The following SEMA3A variants were observed in gnomAD, a reference collection of about 807,000 sequenced individuals.
The protein encoded by SEMA3A is semaphorin-3A.
A neutral mutation model predicts 97.9 loss-of-function variants in SEMA3A; 29 were observed. That is an observed-to-expected ratio of 0.30 (90% confidence interval 0.22 to 0.40). SEMA3A has a LOEUF of 0.40. Ranked by LOEUF, SEMA3A falls within the 10% of genes least tolerant of loss-of-function variation. The pLI is 1.00. For missense variants in SEMA3A, 763 were observed against 951.3 expected (o/e 0.80, Z 2.60); for synonymous variants, 321 against 323.7 (o/e 0.99, Z 0.09).
In SEMA3A at chr7:84,165,383, G is replaced by C. The variant is rs577252011; in HGVS notation, c.112+29092C>G. Among the ~76,000 whole-genome samples the C allele has an allele frequency of 3.3e-5, 5 of 152,088 alleles. No homozygotes were observed. The East Asian group carries it at 9.7e-4, about 29-fold the overall frequency. On this transcript the variant is annotated intron_variant, in intron 1 of 16. Coordinates refer to ENST00000265362, the MANE Select transcript of SEMA3A (RefSeq NM_006080.3). ...CTAAATTAAAAATCATTATAACTATGTAATTATATGGGGCATTTAGGTAAC... is the reference window on the plus strand; with the variant it reads ...CTAAATTAAAAATCATTATAACTATCTAATTATATGGGGCATTTAGGTAAC...
At chr7:84,002,447 G>A (rs1158996705) in intron 11 of SEMA3A, among the ~76,000 whole-genome samples, 4 of 152,126 alleles carry the variant, frequency 2.6e-5, no homozygotes, top group Non-Finnish European at 4.4e-5. Flanking sequence ...TAAAAATAAC[G>A]TCAGTTTGTC....
At chr7:84,081,186 G>T (rs1794139878) in intron 4 of SEMA3A, among the ~76,000 whole-genome samples, 1 of 152,040 alleles carries the variant, frequency 6.6e-6, no homozygotes, top group Admixed American at 6.6e-5. Flanking sequence ...TTAGAAGAAT[G>T]ACCCAACCTG....
chr7:83,975,524 A>C (rs1789109653), intron 15 of SEMA3A, among the ~76,000 whole-genome samples: 1 of 152,172 alleles, frequency 6.6e-6, no homozygotes, highest in Admixed American at 6.5e-5. Flanking sequence ...CAAAAGTAAT[A>C]AGACATGTAT....
At chr7:84,340,202 A>C (rs891644787) in intron 2 of SEMA3A, among the ~76,000 whole-genome samples, 1 of 152,146 alleles carries the variant, frequency 6.6e-6, no homozygotes, top group Non-Finnish European at 1.5e-5. Context: ...CAATGCTCTT[A>C]AGAGGAAATT....
At chr7:83,988,266 G>A (rs1198642662) in intron 12 of SEMA3A, among the ~76,000 whole-genome samples, 1 of 151,762 alleles carries the variant, frequency 6.6e-6, no homozygotes, top group Non-Finnish European at 1.5e-5. Context: ...TCGCTCTGTC[G>A]CCGAGGCTGG....
intron 1 of SEMA3A, among the ~76,000 whole-genome samples, chr7:84,160,666 G>A (rs1056844177): frequency 6.6e-6 from 1 of 151,294 alleles, no homozygotes; most frequent in Non-Finnish European, 1.5e-5. Flanking sequence ...ATCACTTGAG[G>A]TAGGAGTCTG....
At chr7:83,985,258 A>C (rs571347426) in intron 13 of SEMA3A, among the ~76,000 whole-genome samples, 178 bp downstream of exon 13, 1 of 152,286 alleles carries the variant, frequency 6.6e-6, no homozygotes, top group Admixed American at 6.5e-5. Context: ...ACATGAGGGC[A>C]ATGAAAACTA....
chr7:84,472,234 TAC>T (rs1451893896), intron 1 of SEMA3A, among the ~76,000 whole-genome samples: 1 of 152,086 alleles, frequency 6.6e-6, no homozygotes, highest in African/African-American at 2.4e-5. Flanking sequence ...AGTCAAGAGA[TAC>T]AATGACAAAC....
chr7:84,353,164 T>C (rs1802475316), intron 2 of SEMA3A, among the ~76,000 whole-genome samples: 1 of 151,816 alleles, frequency 6.6e-6, no homozygotes, highest in Non-Finnish European at 1.5e-5. Flanking sequence ...TCATATTGTT[T>C]AGAAAATAAT....
At chr7:84,090,515 C>G (rs2115844485) in intron 4 of SEMA3A, among the ~76,000 whole-genome samples, 1 of 152,012 alleles carries the variant, frequency 6.6e-6, no homozygotes, top group South Asian at 2.1e-4. Context: ...GCAAAAAAAA[C>G]AAAACACAAG....
intron 3 of SEMA3A, among the ~76,000 whole-genome samples, chr7:84,223,428 C>A (rs1299267166): frequency 1.3e-5 from 2 of 151,758 alleles, no homozygotes; most frequent in East Asian, 3.9e-4. Flanking sequence ...GAGGTTAAGC[C>A]ACTGACAAAG....
chr7:84,160,608 G>A (rs1797000696), intron 1 of SEMA3A, among the ~76,000 whole-genome samples: 2 of 151,760 alleles, frequency 1.3e-5, no homozygotes, highest in South Asian at 4.2e-4. Flanking sequence ...GTCAGGTGCG[G>A]TGGCTCATGC....
intron 2 of SEMA3A, among the ~76,000 whole-genome samples, chr7:84,336,586 A>G (rs528049498): frequency 1.3e-5 from 2 of 152,274 alleles, no homozygotes; most frequent in East Asian, 3.9e-4. Flanking sequence ...TTTTATCTAC[A>G]TACAGTAGGA....
chr7:84,272,517 A>G (rs2115708257), intron 3 of SEMA3A, among the ~76,000 whole-genome samples: 1 of 152,230 alleles, frequency 6.6e-6, no homozygotes, highest in Non-Finnish European at 1.5e-5. Flanking sequence ...TGGCCAAAGG[A>G]ACCTAGTTCT....
chr7:84,038,628 A>G (rs1381455723), intron 6 of SEMA3A, among the ~76,000 whole-genome samples: 1 of 152,032 alleles, frequency 6.6e-6, no homozygotes, highest in Non-Finnish European at 1.5e-5. Context: ...CATCCCAAAG[A>G]TTATAGTTGA....
At chr7:84,054,982 C>T (rs6975438) in intron 5 of SEMA3A, among the ~76,000 whole-genome samples, 83,367 of 151,138 alleles carry the variant, frequency 0.55, 24,890 homozygotes, top group Non-Finnish European at 0.66. Flanking sequence ...GTCAGTCTGC[C>T]CCTGCTGTGG....
rs1804167162 is a variant in SEMA3A at position 84,408,447 on chromosome 7, A to C, written c.-245-36547T>G. ...GGAACACTTTTACACTGTTGGTGGG[A>C]CTGTAAACTAGTTCAACCATTGTGG... On this transcript the variant is annotated intron_variant, in intron 1 of 3. Coordinates refer to the SEMA3A transcript ENST00000424555. Among the ~76,000 whole-genome samples the C allele has an allele frequency of 2.6e-5, 4 of 151,718 alleles. No homozygotes were observed. The South Asian group carries it at 8.3e-4, about 32-fold the overall frequency.
chr7:84,001,570 G>A lies in SEMA3A; in HGVS notation c.1452+385C>T, dbSNP rs559886998. 1.6e-4 allele frequency among the ~76,000 whole-genome samples: 24 copies of A among 151,930 alleles called. 1 individual carries two copies. Among genetic ancestry groups the A allele is most frequent in the Admixed American group, 2.6e-4 (4 of 15,238 alleles). ...AATGTCTTCAGTATTCTGTCATTCC[G>A]AATATATTTCCTTTAGTACATTCAT... On this transcript the variant is annotated intron_variant, in intron 12 of 16. Coordinates refer to ENST00000265362, the MANE Select transcript of SEMA3A (RefSeq NM_006080.3).
intron 12 of SEMA3A, among the ~76,000 whole-genome samples, chr7:83,995,144 C>G (rs1005491026): frequency 1.3e-5 from 2 of 152,186 alleles, no homozygotes; most frequent in Non-Finnish European, 2.9e-5. Context: ...TTGCGCTTCC[C>G]AAGTGAGGCA....
Sources: gnomAD v4.1 joint callset for allele counts (sites outside exome capture counted in the v4.1 genomes callset) on GRCh38, gnomAD v4.1.1 for gene constraint, MANE v1.5 for transcripts, NCBI Gene and HGNC (gene_info 2026-07-23, HGNC 2026-07-21) for gene names.